The following TSHZ2 variants were observed in gnomAD, a reference collection of about 807,000 sequenced individuals.
The protein encoded by TSHZ2 is teashirt homolog 2.
Under a neutral mutation model 74.4 loss-of-function variants are expected in TSHZ2, and 21 were observed. That is an observed-to-expected ratio of 0.28 (90% CI 0.20 to 0.41). TSHZ2 has a LOEUF of 0.41. Ranked by LOEUF, TSHZ2 falls within the 10% of genes least tolerant of loss-of-function variation. TSHZ2 has a pLI of 1.00. For missense variants in TSHZ2, 1,244 were observed against 1,293.5 expected (o/e 0.96, Z 0.59); for synonymous variants, 540 against 515.3 (o/e 1.05, Z -0.65).
intron 1 of TSHZ2, among the ~76,000 whole-genome samples, chr20:53,166,772 A>C (rs944870732): frequency 6.6e-6 from 1 of 152,202 alleles, no homozygotes; most frequent in African/African-American, 2.4e-5. Context: ...CTCTGTCTAA[A>C]AAATAATAAT....
chr20:53,329,669 G>T (rs1979641189), intron 2 of TSHZ2, among the ~76,000 whole-genome samples: 1 of 151,044 alleles, frequency 6.6e-6, no homozygotes, highest in Non-Finnish European at 1.5e-5. Context: ...GCGGGGGAGG[G>T]CGTAAAAAGA....
At chr20:52,993,190 A>G (rs1982056683) in intron 1 of TSHZ2, among the ~76,000 whole-genome samples, 2 of 152,122 alleles carry the variant, frequency 1.3e-5, no homozygotes, top group Admixed American at 1.3e-4. Flanking sequence ...ATATAATTTA[A>G]CCTCATAAAT....
At chr20:53,357,513 A>AT (rs1412415899) in intron 2 of TSHZ2, among the ~76,000 whole-genome samples, 8 of 152,186 alleles carry the variant, frequency 5.3e-5, no homozygotes, top group African/African-American at 1.9e-4. Flanking sequence ...TTATTAAAAA[A>AT]AAAATAAAAT....
intron 1 of TSHZ2, chr20:53,185,403 G>A: frequency 1.6e-6 from 2 of 1,263,338 alleles, no homozygotes; most frequent in Non-Finnish European, 2.0e-6. Context: ...GGCCAGGCGA[G>A]GTGGTTCAAG....
intron 2 of TSHZ2, among the ~76,000 whole-genome samples, chr20:53,299,694 T>C (rs1991443864): frequency 6.6e-6 from 1 of 152,238 alleles, no homozygotes; most frequent in African/African-American, 2.4e-5. Flanking sequence ...CAGTAAGCTC[T>C]CAATGCAGAA....
chr20:52,997,433 A>C (rs1982246629), intron 1 of TSHZ2, among the ~76,000 whole-genome samples: 1 of 152,144 alleles, frequency 6.6e-6, no homozygotes, highest in Non-Finnish European at 1.5e-5. Flanking sequence ...CCAGTCCCTT[A>C]ATCCTTTAAT....
At chr20:53,091,023 G>A (rs1370090407) in intron 1 of TSHZ2, among the ~76,000 whole-genome samples, 1 of 152,180 alleles carries the variant, frequency 6.6e-6, no homozygotes, top group Non-Finnish European at 1.5e-5. Context: ...TGTTTTGGAG[G>A]ATGGGTGAAA....
intron 1 of TSHZ2, among the ~76,000 whole-genome samples, chr20:53,137,138 T>C (rs962605113): frequency 2.6e-5 from 4 of 152,170 alleles, no homozygotes; most frequent in South Asian, 2.1e-4. Flanking sequence ...ACTGTAGTTA[T>C]CCTGGTTTGC....
intron 2 of TSHZ2, among the ~76,000 whole-genome samples, chr20:53,415,526 C>CAA (rs1983206672): frequency 6.6e-6 from 1 of 151,830 alleles, no homozygotes; most frequent in African/African-American, 2.4e-5. Flanking sequence ...ACAGGCCTCC[C>CAA]ACCTAGCACA....
intron 1 of TSHZ2, among the ~76,000 whole-genome samples, chr20:53,221,016 C>T (rs995233524): frequency 9.9e-5 from 15 of 152,268 alleles, no homozygotes; most frequent in African/African-American, 3.4e-4. Context: ...ATAATTCCCA[C>T]GTGTTGTGGG....
chr20:53,116,512 T>A (rs1472197231), intron 1 of TSHZ2, among the ~76,000 whole-genome samples: 1 of 152,168 alleles, frequency 6.6e-6, no homozygotes, highest in Non-Finnish European at 1.5e-5. Context: ...ACCCCACGGC[T>A]GGTACACAAG....
At chr20:53,186,103 C>G (rs1220679992) in intron 1 of TSHZ2, among the ~76,000 whole-genome samples, 2 of 152,200 alleles carry the variant, frequency 1.3e-5, no homozygotes, top group Admixed American at 1.3e-4. Flanking sequence ...CTCTTATTAA[C>G]TTGATTCATA....
chr20:53,356,403 TGCA>T (rs1449355373), intron 2 of TSHZ2, among the ~76,000 whole-genome samples: 2 of 152,212 alleles, frequency 1.3e-5, no homozygotes, highest in Non-Finnish European at 2.9e-5. Context: ...ATACAACCTA[TGCA>T]GTCACACAGG....
At chr20:53,373,720 T>A (rs1190622437) in intron 2 of TSHZ2, among the ~76,000 whole-genome samples, 3 of 152,218 alleles carry the variant, frequency 2.0e-5, no homozygotes, top group Admixed American at 2.0e-4. Context: ...TCAAACATGT[T>A]ATTACAATTC....
At chr20:53,277,696 A>G (rs1356630095) in intron 2 of TSHZ2, among the ~76,000 whole-genome samples, 1 of 152,202 alleles carries the variant, frequency 6.6e-6, no homozygotes, top group Non-Finnish European at 1.5e-5. Context: ...TCCCAAGGGT[A>G]CCAAGAAAAT....
At chr20:53,238,910 T>A (rs529589687) in intron 1 of TSHZ2, among the ~76,000 whole-genome samples, 4 of 139,384 alleles carry the variant, frequency 2.9e-5, no homozygotes, top group Non-Finnish European at 6.1e-5. Context: ...GGGTGATGGG[T>A]GATTTCAATT....
intron 1 of TSHZ2, among the ~76,000 whole-genome samples, chr20:53,055,148 G>A (rs774408910): frequency 1.3e-5 from 2 of 152,090 alleles, no homozygotes; most frequent in Non-Finnish European, 2.9e-5. Context: ...AAATGAACAG[G>A]TCTAAAAATA....
intron 1 of TSHZ2, among the ~76,000 whole-genome samples, chr20:53,078,306 T>C (rs1392520206): frequency 1.3e-5 from 2 of 152,236 alleles, no homozygotes; most frequent in Non-Finnish European, 2.9e-5. Flanking sequence ...TTCTATTCCT[T>C]TGAATGAACA....
intron 1 of TSHZ2, among the ~76,000 whole-genome samples, chr20:53,148,011 G>A (rs1293973483): frequency 1.3e-5 from 2 of 152,342 alleles, no homozygotes; most frequent in Non-Finnish European, 1.5e-5. Context: ...ACCATGCCCG[G>A]CCAGTGGGTC....
Sources: gnomAD v4.1 joint callset for allele counts (sites outside exome capture counted in the v4.1 genomes callset) on GRCh38, gnomAD v4.1.1 for gene constraint, MANE v1.5 for transcripts, NCBI Gene and HGNC (gene_info 2026-07-23, HGNC 2026-07-21) for gene names.